The following ABCA1 variants were observed in gnomAD, a reference collection of about 807,000 sequenced individuals.
ABCA1 encodes the protein ATP binding cassette subfamily A member 1.
Under a neutral mutation model 262.5 loss-of-function variants are expected in ABCA1, and 133 were observed. The observed-to-expected ratio is 0.51, with a 90% CI of 0.44 to 0.59. The LOEUF is 0.59. Among genes scored for constraint, ABCA1 ranks in the 20% least tolerant of loss-of-function variants. ABCA1 has a pLI of 0.00. For missense variants in ABCA1, 2,452 were observed against 2,777.5 expected, an observed-to-expected ratio of 0.88 and a Z score of 2.63; for synonymous variants, 1,022 against 1,043.5, an observed-to-expected ratio of 0.98 and a Z score of 0.40.
Position 104,794,510 on chromosome 9 carries a change from T to G in ABCA1, c.5383A>C (p.Lys1795Gln). 2 of 664,450 alleles carry G rather than the reference T, an allele frequency of 3.0e-6. No individual in the cohort carries two copies. Among genetic ancestry groups the G allele is most frequent in the Non-Finnish European group, 2.0e-6 (1 of 494,144 alleles). The allele number at this position is 664,450 out of a possible 1,614,324, so 41.2% of individuals were successfully genotyped here. Residue 1795 changes from lysine to glutamine, a missense_variant and splice_region_variant, in exon 40 of 50, where the codon AAG becomes CAG. Around this residue, in one of 4 missense-constraint regions of ABCA1, gnomAD observed 752 missense variants for 944.5 expected, o/e 0.80. Coordinates refer to ENST00000374736, the MANE Select transcript of ABCA1 (RefSeq NM_005502.4). ...AGGATATCATTGATATTATTCAGCT[T>G]CTAAAAAAAAAAAAAAAAAATGGGA... ...TFVLELFTDN[K>Q]LNNINDILKS... is the part of the protein sequence containing the mutation.
At chr9:104,922,250 A>G (rs563904226) in intron 1 of ABCA1, among the ~76,000 whole-genome samples, 1 of 152,344 alleles carries the variant, frequency 6.6e-6, no homozygotes, top group African/African-American at 2.4e-5. Context: ...TCTGGCCTCA[A>G]GTATTTCTAA....
At chr9:104,921,183 C>A (rs559983356) in intron 1 of ABCA1, among the ~76,000 whole-genome samples, 1 of 152,226 alleles carries the variant, frequency 6.6e-6, no homozygotes, top group African/African-American at 2.4e-5. Context: ...TGGGAAATAT[C>A]ATAAACTAAA....
rs537767626 is a variant in ABCA1 at position 104,907,220 on chromosome 9, T to C, written c.-92-3449A>G. Among the ~76,000 whole-genome samples, 3 of 152,284 alleles carry C rather than the reference T, an allele frequency of 2.0e-5. No homozygotes were observed. In the East Asian group the frequency reaches 5.8e-4, roughly 29 times the overall value. ...GGGACTTCACTGGTGAGTTCTCTTG[T>C]CCTAAGACACTTTTTCAAGCACTGC... On this transcript the variant is annotated intron_variant, in intron 1 of 49. Coordinates refer to ENST00000374736, the MANE Select transcript of ABCA1 (RefSeq NM_005502.4).
intron 1 of ABCA1, among the ~76,000 whole-genome samples, chr9:104,920,967 C>G (rs1165030684): frequency 6.6e-6 from 1 of 152,166 alleles, no homozygotes; most frequent in African/African-American, 2.4e-5. Flanking sequence ...TGCCTAATGT[C>G]AGATATCCAT....
At chr9:104,839,342 G>T (rs1430334341) in intron 9 of ABCA1, among the ~76,000 whole-genome samples, 4 of 152,192 alleles carry the variant, frequency 2.6e-5, no homozygotes, top group African/African-American at 9.7e-5. Context: ...GCAGATTTGG[G>T]CTTGAATCCT....
chr9:104,904,400 T>A (rs1346513642), intron 1 of ABCA1, among the ~76,000 whole-genome samples: 1 of 151,448 alleles, frequency 6.6e-6, no homozygotes, highest in African/African-American at 2.4e-5. Flanking sequence ...AAACCCCGTC[T>A]CTACTAAAAA....
intron 15 of ABCA1, 30 bp downstream of exon 15, chr9:104,828,886 G>A: frequency 1.2e-6 from 2 of 1,608,632 alleles, no homozygotes; most frequent in Non-Finnish European, 1.7e-6. Flanking sequence ...GGAGTTTCCT[G>A]GCAGGGAAGA....
chr9:104,787,104 T>C, intron 46 of ABCA1, 128 bp from the exon 47 acceptor site: 1 of 715,586 alleles, frequency 1.4e-6, no homozygotes, highest in East Asian at 2.7e-5. Context: ...TATTTCTTGA[T>C]GAATCAAAGA....
intron 1 of ABCA1, among the ~76,000 whole-genome samples, chr9:104,905,476 C>A (rs1054721042): frequency 3.3e-5 from 5 of 152,206 alleles, no homozygotes; most frequent in East Asian, 1.9e-4. Context: ...TCAAGAAATT[C>A]TCTGAAATAG....
At chr9:104,881,486 T>C (rs1838650066) in intron 5 of ABCA1, among the ~76,000 whole-genome samples, 1 of 152,220 alleles carries the variant, frequency 6.6e-6, no homozygotes, top group Non-Finnish European at 1.5e-5. Flanking sequence ...AAAAAAATCA[T>C]AATTCATATT....
chr9:104,891,883 T>A (rs1292421577), intron 2 of ABCA1, among the ~76,000 whole-genome samples: 1 of 142,732 alleles, frequency 7.0e-6, no homozygotes, highest in Non-Finnish European at 1.5e-5. Flanking sequence ...GAGAATCACT[T>A]AAACCTGGGA....
chr9:104,845,375 C>T, intron 8 of ABCA1, 102 bp downstream of exon 8: 1 of 772,234 alleles, frequency 1.3e-6, no homozygotes, highest in South Asian at 1.4e-5. Flanking sequence ...ATATTACATC[C>T]CATGTGATAT....
chr9:104,814,149 A>G lies in ABCA1; in HGVS notation c.3870T>C (p.Ala1290=). The G allele has an allele frequency of 6.2e-7, 1 of 1,614,248 alleles. No individual in the cohort carries two copies. The highest frequency in any genetic ancestry group is 8.5e-7 in the Non-Finnish European group (1 of 1,180,048). Residue 1290 remains alanine, a synonymous_variant, in exon 27 of 50, where the codon GCT becomes GCC. Coordinates refer to ENST00000374736, the MANE Select transcript of ABCA1 (RefSeq NM_005502.4). ...SCLRPFTEDD[A]ADPNDSDIDP... Reference sequence around the variant, plus strand: ...CTATGTCAGAATCATTTGGATCAGCAGCATCATCTTCAGTGAACGGGCGAA... The same window carrying G: ...CTATGTCAGAATCATTTGGATCAGCGGCATCATCTTCAGTGAACGGGCGAA...
chr9:104,821,248 A>C (rs1564130007), intron 20 of ABCA1, 127 bp downstream of exon 20: 1 of 1,363,310 alleles, frequency 7.3e-7, no homozygotes, highest in Non-Finnish European at 9.9e-7. Context: ...TCTCAAAAAA[A>C]TAAAAAAGAA....
intron 8 of ABCA1, among the ~76,000 whole-genome samples, chr9:104,841,870 T>C (rs1484017995): frequency 1.3e-5 from 2 of 152,266 alleles, no homozygotes; most frequent in African/African-American, 4.8e-5. Flanking sequence ...CCCAATGCTA[T>C]TATGAAATAT....
intron 3 of ABCA1, 113 bp downstream of exon 3, chr9:104,888,989 T>A: frequency 1.1e-6 from 1 of 938,282 alleles, no homozygotes; most frequent in Non-Finnish European, 1.7e-6. Context: ...ATCCAAAGCA[T>A]GTGTGATGTT....
At chr9:104,914,517 A>C (rs1463849167) in intron 1 of ABCA1, among the ~76,000 whole-genome samples, 1 of 150,810 alleles carries the variant, frequency 6.6e-6, no homozygotes, top group Non-Finnish European at 1.5e-5. Context: ...AAAAAAAAAG[A>C]GAGAAATCTG....
At chr9:104,835,366 T>C (rs1245782426) in intron 11 of ABCA1, among the ~76,000 whole-genome samples, 1 of 151,632 alleles carries the variant, frequency 6.6e-6, no homozygotes, top group Non-Finnish European at 1.5e-5. Context: ...CCAACCACCC[T>C]CCTCCACTGC....
chr9:104,815,018 A>T (rs61349465), intron 25 of ABCA1, among the ~76,000 whole-genome samples: 4,289 of 152,118 alleles, frequency 0.028, 184 homozygotes, highest in African/African-American at 0.092. Flanking sequence ...AAAAAAATTT[A>T]AAAAAAGCTA....
Sources: allele counts gnomAD v4.1 joint callset (sites outside exome capture counted in the v4.1 genomes callset), GRCh38; gene constraint gnomAD v4.1.1; regional missense constraint gnomAD v4.1.1; transcripts MANE v1.5; gene names NCBI Gene and HGNC (gene_info 2026-07-23, HGNC 2026-07-21).